Variants in CHD7 observed in about 807,000 individuals in gnomAD.
CHD7 encodes the protein ATP-dependent chromatin remodeler CHD7.
A neutral mutation model predicts 307.3 loss-of-function variants in CHD7; 24 were observed. The observed-to-expected ratio is 0.08, with a 90% confidence interval of 0.06 to 0.11. The LOEUF (loss-of-function observed/expected upper bound fraction) is 0.11, where lower values mean the gene tolerates loss of function less well. Among genes scored for constraint, CHD7 ranks in the 10% least tolerant of loss-of-function variants. CHD7 has a pLI of 1.00. For synonymous variants in CHD7, 1,363 were observed against 1,349.9 expected (o/e 1.01, Z -0.21); for missense variants, 3,106 against 3,727.1 (o/e 0.83, Z 4.34).
At chr8:60,843,877 A>G (rs1437670543) in intron 21 of CHD7, among the ~76,000 whole-genome samples, 1 of 152,230 alleles carries the variant, frequency 6.6e-6, no homozygotes, top group Non-Finnish European at 1.5e-5. Flanking sequence ...AGTGAGAGCT[A>G]GCCCTGTGGT....
chr8:60,735,011 G>GGGA (rs988206270), intron 1 of CHD7, among the ~76,000 whole-genome samples: 9 of 152,208 alleles, frequency 5.9e-5, no homozygotes, highest in African/African-American at 2.2e-4. Context: ...AGTGTAAACA[G>GGGA]GGAGGAGGAG....
chr8:60,768,207 G>A lies in CHD7; in HGVS notation c.1666-12793G>A, dbSNP rs560649437. ...CATTCCTTACTCCATTTTCATTTTCGAAGTGTGGAGATAGTTATTATTGAA... is the reference window on the plus strand; with the variant it reads ...CATTCCTTACTCCATTTTCATTTTCAAAGTGTGGAGATAGTTATTATTGAA... On this transcript the variant is annotated intron_variant, in intron 2 of 37. Transcript: ENST00000423902. Among the ~76,000 whole-genome samples, 8 of 151,728 alleles carry A rather than the reference G, an allele frequency of 5.3e-5. No homozygotes were observed. In the South Asian group the frequency reaches 8.3e-4, roughly 16 times the overall value.
In CHD7 at chr8:60,867,171, C is replaced by G. The variant is rs1353238195; in HGVS notation, c.*1238C>G. The stretch of plus-strand genomic sequence containing the variant: ...ACTCCCTCAAAAGGGCATCTGAGAC[C>G]GAGAATACTTAGAAATGTGTGCAGC... On this transcript the variant is annotated 3_prime_UTR_variant, in exon 38 of 38. Coordinates refer to ENST00000423902, the MANE Select transcript of CHD7 (RefSeq NM_017780.4). 1 of 152,050 alleles carries G rather than the reference C, an allele frequency of 6.6e-6. No individual in the cohort carries two copies. Among genetic ancestry groups the G allele is most frequent in the Non-Finnish European group, 1.5e-5 (1 of 68,014 alleles). 9.4% of individuals were successfully genotyped at this position (152,050 alleles called of 1,614,324 possible). A position where few individuals can be genotyped will look rare whatever the true frequency, so the allele number is the denominator to read the frequency against.
chr8:60,695,367 T>C (rs1469539263), intron 1 of CHD7, among the ~76,000 whole-genome samples: 1 of 152,232 alleles, frequency 6.6e-6, no homozygotes, highest in African/African-American at 2.4e-5. Context: ...TTTATAAATA[T>C]CCTTATAACA....
chr8:60,684,031 T>C (rs1805757899), intron 1 of CHD7, among the ~76,000 whole-genome samples: 1 of 152,212 alleles, frequency 6.6e-6, no homozygotes, highest in African/African-American at 2.4e-5. Flanking sequence ...TCCTGTTGCA[T>C]TTTAACTAAT....
intron 2 of CHD7, among the ~76,000 whole-genome samples, chr8:60,747,051 G>A (rs1473154862): frequency 6.6e-6 from 1 of 152,102 alleles, no homozygotes; most frequent in African/African-American, 2.4e-5. Context: ...AAAGTTTTAA[G>A]TTTTTTATTG....
At chr8:60,735,345 C>T (rs1283980707) in intron 1 of CHD7, among the ~76,000 whole-genome samples, 1 of 152,154 alleles carries the variant, frequency 6.6e-6, no homozygotes, top group East Asian at 1.9e-4. Flanking sequence ...AAATGTGTCT[C>T]TTCTGTTAAT....
chr8:60,782,284 C>T (rs1358998293), intron 3 of CHD7, among the ~76,000 whole-genome samples: 1 of 152,210 alleles, frequency 6.6e-6, no homozygotes, highest in Non-Finnish European at 1.5e-5. Context: ...ACCCCATACC[C>T]TCATGTGCAC....
chr8:60,742,221 T>C lies in CHD7; in HGVS notation c.789T>C (p.Ala263=). ...AGTTCCATCACCACCCCTCTACTGC[T>C]CTCCATGGAGAATCCGTTGCCCACA... ...VQQFHHHPST[A]LHGESVAHSP... The change falls in exon 2 of 38, where the codon GCT becomes GCC. Residue 263 remains alanine (A), a synonymous_variant. Transcript: ENST00000423902. 6.2e-7 allele frequency: 1 copy of C among 1,613,740 alleles called. No individual in the cohort carries two copies. The highest frequency in any genetic ancestry group is 8.5e-7 in the Non-Finnish European group (1 of 1,179,844).
chr8:60,705,129 A>G (rs1806958414), intron 1 of CHD7, among the ~76,000 whole-genome samples: 1 of 152,220 alleles, frequency 6.6e-6, no homozygotes, highest in East Asian at 1.9e-4. Context: ...AGTTGATGGT[A>G]TAAGAGTCCT....
At chr8:60,834,251 C>A (rs997195202) in intron 15 of CHD7, among the ~76,000 whole-genome samples, 1 of 152,034 alleles carries the variant, frequency 6.6e-6, no homozygotes, top group Non-Finnish European at 1.5e-5. Flanking sequence ...GAAAAATATT[C>A]GTTGGCCATT....
In CHD7 at chr8:60,856,708, T is replaced by C. The variant is rs886038636; in HGVS notation, c.7428T>C (p.Asp2476=). ...CTAATGTCTCAACACCAGTGTCTGA[T>C]GCCTTTAAGACTCAAATGGAACTGC... is the stretch of plus-strand genomic sequence containing the variant. ...ILPNVSTPVS[D]AFKTQMELLQ... is the part of the protein sequence containing the mutation. Residue 2476 remains aspartate, a synonymous_variant, in exon 34 of 38, where the codon GAT becomes GAC. Coordinates refer to ENST00000423902, the MANE Select transcript of CHD7 (RefSeq NM_017780.4). 8 of 1,614,062 alleles carry C rather than the reference T, an allele frequency of 5.0e-6. No individual in the cohort carries two copies. The Middle Eastern group carries it at 1.3e-3, about 266-fold the overall frequency.
chr8:60,693,258 T>A (rs941036853), intron 1 of CHD7, among the ~76,000 whole-genome samples: 3 of 152,224 alleles, frequency 2.0e-5, no homozygotes, highest in Non-Finnish European at 4.4e-5. Context: ...CTTGCACGGT[T>A]GGGGAGAGTA....
intron 2 of CHD7, among the ~76,000 whole-genome samples, chr8:60,775,812 C>T (rs1437601312): frequency 6.6e-6 from 1 of 152,220 alleles, no homozygotes; most frequent in Non-Finnish European, 1.5e-5. Flanking sequence ...GGCTGGAGTA[C>T]AGTGGCGTGA....
At chr8:60,702,671 A>G (rs1211775908) in intron 1 of CHD7, among the ~76,000 whole-genome samples, 1 of 152,256 alleles carries the variant, frequency 6.6e-6, no homozygotes, top group East Asian at 1.9e-4. Flanking sequence ...AAGAATTTGC[A>G]TATATTCTTA....
intron 3 of CHD7, among the ~76,000 whole-genome samples, chr8:60,793,371 A>G (rs911482279): frequency 1.1e-4 from 17 of 152,020 alleles, no homozygotes; most frequent in African/African-American, 4.1e-4. Flanking sequence ...GCCATTTGCT[A>G]TAATCTTGAA....
Position 60,821,895 on chromosome 8 carries a change from C to T in CHD7, c.2803C>T (p.Leu935=). 1 of 1,612,304 alleles carries T rather than the reference C, an allele frequency of 6.2e-7. No homozygotes were observed. Among genetic ancestry groups the T allele is most frequent in the Non-Finnish European group, 8.5e-7 (1 of 1,179,076 alleles). The change falls in exon 10 of 38, where the codon CTA becomes TTA. Residue 935 remains leucine (L), a synonymous_variant. Transcript: ENST00000423902. The part of the protein sequence containing the change: ...DQAKIEEFEK[L]MSREPETERV... The stretch of plus-strand genomic sequence containing the variant: ...AGCAAAGATCGAGGAGTTTGAGAAA[C>T]TAATGTCCAGGGAGCCGGAAACAGA...
At chr8:60,686,949 GT>G (rs1440091880) in intron 1 of CHD7, among the ~76,000 whole-genome samples, 1 of 152,024 alleles carries the variant, frequency 6.6e-6, no homozygotes, top group Non-Finnish European at 1.5e-5. Context: ...ATCCATTTTT[GT>G]TTTGTTTCGT....
rs190403218 is a variant in CHD7 at position 60,835,140 on chromosome 8, A to G, written c.3779-933A>G. On this transcript the variant is annotated intron_variant, in intron 15 of 37. Transcript: ENST00000423902. Reference sequence around the variant, plus strand: ...CTATGTCCTGATTAACCCCAGAGGCAGGAGGAGGTCAGACCAATGCTGCGT... The same window carrying G: ...CTATGTCCTGATTAACCCCAGAGGCGGGAGGAGGTCAGACCAATGCTGCGT... Among the ~76,000 whole-genome samples, 47 of 152,366 alleles carry G rather than the reference A, an allele frequency of 3.1e-4. No homozygotes were observed. The East Asian group carries it at 8.9e-3, about 29-fold the overall frequency.
Sources: allele counts gnomAD v4.1 joint callset (sites outside exome capture counted in the v4.1 genomes callset), GRCh38; gene constraint gnomAD v4.1.1; transcripts MANE v1.5; gene names NCBI Gene and HGNC (gene_info 2026-07-23, HGNC 2026-07-21).